CDH26: variants seen among roughly 807,000 people sequenced by gnomAD.
The protein encoded by CDH26 is cadherin 26.
Under a neutral mutation model 90.3 loss-of-function variants are expected in CDH26, and 83 were observed. That is an observed-to-expected ratio of 0.92 (90% confidence interval 0.77 to 1.10). The LOEUF (loss-of-function observed/expected upper bound fraction) is 1.10, where lower values mean the gene tolerates loss of function less well. Ranked by LOEUF, CDH26 falls within the 50% of genes least tolerant of loss-of-function variation. The pLI, the probability that CDH26 is intolerant of heterozygous loss-of-function variation, is 0.00. For synonymous variants in CDH26, 397 were observed against 396.3 expected, an observed-to-expected ratio of 1.00 and a Z score of -0.02; for missense variants, 1,013 against 1,037.6, an observed-to-expected ratio of 0.98 and a Z score of 0.33.
At position 59,978,379 on chromosome 20, in the gene CDH26, T is replaced by C. The variant is rs1229412430; in HGVS notation, c.394-4544T>C. Among the ~76,000 whole-genome samples the C allele has an allele frequency of 2.2e-5, 3 of 137,612 alleles. No individual in the cohort carries two copies. In the Admixed American group the frequency reaches 2.2e-4, roughly 10 times the overall value. The allele number at this position is 137,612 out of a possible 152,430, so 90.3% of individuals were successfully genotyped here. A position where few individuals can be genotyped will look rare whatever the true frequency, so the allele number is the denominator to read the frequency against. On this transcript the variant is annotated intron_variant, in intron 4 of 17. Coordinates refer to ENST00000348616, the MANE Select transcript of CDH26 (RefSeq NM_177980.4). ...GAGAGTTCCTATTATTTATACTTAC[T>C]TTTTTTTTTTTTTTGAGATGAAGTC...
chr20:59,959,612 C>G (rs1057274947), intron 1 of CDH26, among the ~76,000 whole-genome samples: 2 of 152,102 alleles, frequency 1.3e-5, no homozygotes, highest in Non-Finnish European at 2.9e-5. Context: ...GTTGGCCAGG[C>G]TGGTCTCAAA....
intron 13 of CDH26, among the ~76,000 whole-genome samples, chr20:59,998,844 C>T (rs927212719): frequency 2.6e-5 from 4 of 152,072 alleles, no homozygotes; most frequent in Admixed American, 6.6e-5. Context: ...AAAGGGTGGC[C>T]GCCAATATTA....
intron 9 of CDH26, among the ~76,000 whole-genome samples, chr20:59,989,922 G>A (rs1342778976): frequency 6.6e-6 from 1 of 152,092 alleles, no homozygotes; most frequent in African/African-American, 2.4e-5. Flanking sequence ...CGGGTCAGTG[G>A]CATTAAGTGC....
intron 17 of CDH26, among the ~76,000 whole-genome samples, chr20:60,012,184 C>T (rs968803762): frequency 4.0e-5 from 6 of 151,606 alleles, no homozygotes; most frequent in Non-Finnish European, 7.4e-5. Flanking sequence ...GCCGGGGGGT[C>T]ATGGAAGGGG....
intron 1 of CDH26, among the ~76,000 whole-genome samples, chr20:59,963,252 A>ATTTTT (rs11086689): frequency 1.6e-5 from 2 of 122,938 alleles, no homozygotes; most frequent in Non-Finnish European, 3.3e-5. Context: ...GTAGATAAGG[A>ATTTTT]TTTTTTTTTT....
intron 11 of CDH26, 109 bp from the exon 12 acceptor site, chr20:59,995,724 G>C: frequency 2.1e-6 from 2 of 949,262 alleles, no homozygotes; most frequent in Non-Finnish European, 3.3e-6. Flanking sequence ...TCTGCAGTTG[G>C]CTTACTTTCA....
At position 60,013,211 on chromosome 20, in the gene CDH26, G is replaced by T. The variant is rs1364053367; in HGVS notation, c.*481G>T. 1 of 152,492 alleles carries T rather than the reference G, an allele frequency of 6.6e-6. No homozygotes were observed. The highest frequency in any genetic ancestry group is 2.4e-5 in the African/African-American group (1 of 41,428). The allele number at this position is 152,492 out of a possible 1,614,324, so 9.4% of individuals were successfully genotyped here. On this transcript the variant is annotated 3_prime_UTR_variant, in exon 18 of 18. Transcript: ENST00000348616. Reference sequence around the variant, plus strand: ...AACATTTGTAGTCAGTATTTGAAGTGATTTTTTAAAAAATAAGTATTGGTC... The same window carrying T: ...AACATTTGTAGTCAGTATTTGAAGTTATTTTTTAAAAAATAAGTATTGGTC...
At chr20:60,021,897 C>CATATATATATATATAT (rs71228705) in intron 7 of CDH26, among the ~76,000 whole-genome samples, 3 of 79,004 alleles carry the variant, frequency 3.8e-5, no homozygotes, top group South Asian at 4.4e-4. Flanking sequence ...CACACACACA[C>CATATATATATATATAT]ATATATATAT....
At chr20:60,034,364 A>G (rs935846623), downstream of CDH26, among the ~76,000 whole-genome samples, 1 of 152,186 alleles carries the variant, frequency 6.6e-6, no homozygotes, top group African/African-American at 2.4e-5. Context: ...AAGGGTCATG[A>G]GGCAAAAGGT....
intron 9 of CDH26, among the ~76,000 whole-genome samples, chr20:59,991,511 A>G (rs757237657): frequency 2.0e-5 from 3 of 152,342 alleles, no homozygotes; most frequent in Non-Finnish European, 4.4e-5. Flanking sequence ...GTTTGTAAAC[A>G]TTGCAAAATC....
In CDH26 at chr20:59,994,324, C is replaced by G; in HGVS notation, c.1501C>G (p.Arg501Gly). The G allele has an allele frequency of 1.2e-6, 2 of 1,614,010 alleles. No homozygotes were observed. The highest frequency in any genetic ancestry group is 4.5e-5 in the East Asian group (2 of 44,854). ...SDINDNVPTL[R>G]PRSRYMEVCE... ...CATCAATGACAACGTCCCGACTCTC[C>G]GGCCACGTTCCCGCTACATGGAGGT... The change falls in exon 11 of 18, where the codon CGG (arginine) becomes GGG (glycine). Residue 501 changes from arginine to glycine, a missense_variant. Physicochemically the swap from Arg to Gly is moderately radical, Grantham distance 125 (BLOSUM62 -2). Transcript: ENST00000348616.
intron 13 of CDH26, among the ~76,000 whole-genome samples, chr20:59,998,828 T>A (rs2061637445): frequency 6.6e-6 from 1 of 152,212 alleles, no homozygotes; most frequent in African/African-American, 2.4e-5. Context: ...CTAAGAGTCA[T>A]GCAATAAAGG....
chr20:59,987,451 A>G lies in CDH26; in HGVS notation c.838-2A>G. The G allele has an allele frequency of 6.2e-7, 1 of 1,601,776 alleles. No homozygotes were observed. Among genetic ancestry groups the G allele is most frequent in the Non-Finnish European group, 8.5e-7 (1 of 1,174,998 alleles). On this transcript the variant is annotated splice_acceptor_variant, in intron 7 of 17. Transcript: ENST00000348616. LOFTEE classifies it high-confidence loss of function. ...CATGGACATGATGATTGCTTCTTTCAGTATAAGGTTCAGATTCCTGAAGGC... is the reference window on the plus strand; with the variant it reads ...CATGGACATGATGATTGCTTCTTTCGGTATAAGGTTCAGATTCCTGAAGGC...
intron 7 of CDH26, among the ~76,000 whole-genome samples, chr20:60,021,595 T>A (rs2061951729): frequency 6.6e-6 from 1 of 152,144 alleles, no homozygotes; most frequent in Admixed American, 6.5e-5. Context: ...CTTTTGACTA[T>A]GGGTAACTTA....
At position 59,984,671 on chromosome 20, in the gene CDH26, T is replaced by C; in HGVS notation, c.574T>C (p.Leu192=). The C allele has an allele frequency of 6.2e-7, 1 of 1,612,836 alleles. No individual in the cohort carries two copies. Among genetic ancestry groups the C allele is most frequent in the African/African-American group, 1.3e-5 (1 of 75,042 alleles). ...QPIFQMLAVD[L]DEENTPNSQV... Reference sequence around the variant, plus strand: ...TATTTTTCAGATGTTAGCAGTCGATTTGGATGAAGAAAACACTCCAAATTC... The same window carrying C: ...TATTTTTCAGATGTTAGCAGTCGATCTGGATGAAGAAAACACTCCAAATTC... Residue 192 remains leucine, a synonymous_variant, in exon 6 of 18, where the codon TTG becomes CTG. Coordinates refer to ENST00000348616, the MANE Select transcript of CDH26 (RefSeq NM_177980.4).
chr20:59,994,632 G>A (rs2145996322), intron 11 of CDH26, 143 bp downstream of exon 11: 1 of 936,332 alleles, frequency 1.1e-6, no homozygotes, highest in East Asian at 2.7e-5. Context: ...GTGCTCAAAG[G>A]ATATCCCTGG....
intron 16 of CDH26, among the ~76,000 whole-genome samples, chr20:60,005,180 A>G (rs934248870): frequency 6.6e-5 from 10 of 152,192 alleles, no homozygotes; most frequent in Admixed American, 5.9e-4. Context: ...TTGTTATAAT[A>G]TAGTATATAA....
At chr20:60,006,119 G>C (rs555574951) in intron 16 of CDH26, among the ~76,000 whole-genome samples, 1 of 152,200 alleles carries the variant, frequency 6.6e-6, no homozygotes, top group African/African-American at 2.4e-5. Flanking sequence ...TTGCACCTGC[G>C]TGAGCTCGAC....
rs1359913390 is a variant in CDH26, at chr20:59,968,005, TTC to T, written c.70-960_70-959del. ...TTTCTTTCTTTCTTTCTTTCTTTCTTTCTTTCTTCCTTTCTCTCTGTCTCTCT... is the reference window on the plus strand; with the variant it reads ...TTTCTTTCTTTCTTTCTTTCTTTCTTTTTCTTCCTTTCTCTCTGTCTCTCT... On this transcript the variant is annotated intron_variant, in intron 1 of 17. Coordinates refer to ENST00000348616, the MANE Select transcript of CDH26 (RefSeq NM_177980.4). 8.9e-5 allele frequency among the ~76,000 whole-genome samples: 11 copies of T among 123,036 alleles called. No homozygotes were observed. In the East Asian group the frequency reaches 2.6e-3, roughly 29 times the overall value. 80.7% of individuals were successfully genotyped at this position (123,036 alleles called of 152,430 possible).
Sources: allele counts gnomAD v4.1 joint callset (sites outside exome capture counted in the v4.1 genomes callset), GRCh38; gene constraint gnomAD v4.1.1; transcripts MANE v1.5; gene names NCBI Gene and HGNC (gene_info 2026-07-23, HGNC 2026-07-21).